HOMER2: variants seen among roughly 807,000 people sequenced by gnomAD.
HOMER2 encodes homer protein homolog 2.
In HOMER2, 27 loss-of-function variants were observed where a neutral mutation model predicts 47.0. That is an observed-to-expected ratio of 0.57 (90% CI 0.42 to 0.79). The LOEUF (loss-of-function observed/expected upper bound fraction) is 0.79. Ranked by LOEUF, HOMER2 falls within the 30% of genes least tolerant of loss-of-function variation. HOMER2 has a pLI of 0.00. For synonymous variants in HOMER2, 161 were observed against 163.8 expected, an observed-to-expected ratio of 0.98 and a Z score of 0.13; for missense variants, 443 against 435.0, an observed-to-expected ratio of 1.02 and a Z score of -0.16.
chr15:82,979,192 A>C lies in HOMER2; in HGVS notation n.82+6595T>G, dbSNP rs542448284. Among the ~76,000 whole-genome samples the C allele has an allele frequency of 2.0e-4, 30 of 152,324 alleles. No homozygotes were observed. In the East Asian group the frequency reaches 5.4e-3, roughly 27 times the overall value. On this transcript the variant is annotated intron_variant and non_coding_transcript_variant, in intron 1 of 1. Transcript: ENST00000500334. ...GTCAATTAAACCTCTTCCCTTTATA[A>C]ATTACCTAGTCTTGGGTATATCTTT...
In HOMER2 at chr15:82,907,965, G is replaced by C. The variant is rs574008675; in HGVS notation, c.6-15124C>G. Among the ~76,000 whole-genome samples the C allele has an allele frequency of 1.4e-4, 22 of 152,266 alleles. No individual in the cohort carries two copies. In the South Asian group the frequency reaches 4.3e-3, roughly 30 times the overall value. ...ACAGGCTATAACAAGGATGAACCTT[G>C]AAAACATTGTGCTCAGTGAAAGAAG... On this transcript the variant is annotated intron_variant, in intron 1 of 8. Coordinates refer to ENST00000450735, the MANE Select transcript of HOMER2 (RefSeq NM_004839.4).
chr15:82,849,934 A>T (rs2051337430), intron 8 of HOMER2, 31 bp from the exon 9 acceptor site: 1 of 1,601,852 alleles, frequency 6.2e-7, no homozygotes, highest in African/African-American at 1.3e-5. Flanking sequence ...AGGGTCTAGA[A>T]AACTGAGTGA....
At chr15:82,912,653 G>A (rs1305852808) in intron 1 of HOMER2, among the ~76,000 whole-genome samples, 1 of 152,152 alleles carries the variant, frequency 6.6e-6, no homozygotes, top group Non-Finnish European at 1.5e-5. Context: ...TTTAGCTTTT[G>A]AGGAACCGTC....
chr15:82,863,329 A>C (rs2051855996), intron 4 of HOMER2, among the ~76,000 whole-genome samples: 1 of 152,182 alleles, frequency 6.6e-6, no homozygotes, highest in Non-Finnish European at 1.5e-5. Flanking sequence ...ATCAACAGTC[A>C]CAACACACTT....
intron 1 of HOMER2, among the ~76,000 whole-genome samples, chr15:82,909,529 G>A (rs1313664987): frequency 1.3e-5 from 2 of 152,080 alleles, no homozygotes; most frequent in Non-Finnish European, 2.9e-5. Context: ...GACAGAGCAG[G>A]TGACCAAGGA....
chr15:82,952,776 G>A, upstream of HOMER2: 1 of 876,626 alleles, frequency 1.1e-6, no homozygotes, highest in Non-Finnish European at 1.4e-6. Context: ...GCCCTCCCCA[G>A]CCGCTACCCC....
rs746027391 is a variant in HOMER2 at position 82,892,766 on chromosome 15, C to T, written c.81G>A (p.Ala27=). ...DPNTKKNWMP[A]SKQAVTVSYF... is the part of the protein sequence containing the mutation. ...AGGAAACGGTGACCGCCTGCTTGCT[C>T]GCAGGCATCCAGTTCTTCTTGGTGT... The change falls in exon 2 of 9, where the codon GCG becomes GCA. Residue 27 remains alanine (A), a synonymous_variant. Coordinates refer to ENST00000450735, the MANE Select transcript of HOMER2 (RefSeq NM_004839.4). 16 of 1,606,130 alleles carry T rather than the reference C, an allele frequency of 1.0e-5. No individual in the cohort carries two copies. In the African/African-American group the frequency reaches 1.6e-4, roughly 16 times the overall value.
At chr15:82,910,561 T>C (rs1285611117) in intron 1 of HOMER2, among the ~76,000 whole-genome samples, 1 of 152,216 alleles carries the variant, frequency 6.6e-6, no homozygotes, top group East Asian at 1.9e-4. Flanking sequence ...TGGCATGGCA[T>C]TCTGGAGATG....
chr15:82,850,754 TGAG>T (rs2151597211), intron 8 of HOMER2, among the ~76,000 whole-genome samples: 1 of 152,316 alleles, frequency 6.6e-6, no homozygotes, highest in South Asian at 2.1e-4. Flanking sequence ...ATCAGAAATC[TGAG>T]GATAGGGAGG....
At chr15:82,965,825 T>G (rs1411792561) in intron 1 of HOMER2, among the ~76,000 whole-genome samples, 17 of 151,632 alleles carry the variant, frequency 1.1e-4, no homozygotes, top group Admixed American at 1.1e-3. Flanking sequence ...CCAGTTGTGG[T>G]AGCTCAGGCC....
At position 82,859,086 on chromosome 15, in the gene HOMER2, G is replaced by A. The variant is rs777989205; in HGVS notation, c.437C>T (p.Pro146Leu). The change falls in exon 5 of 9, where the codon CCA (proline) becomes CTA (leucine). Residue 146 changes from proline (P) to leucine (L), a missense_variant. Pro to Leu is a moderately conservative substitution (Grantham distance 98, BLOSUM62 -3). Transcript: ENST00000450735. ...CTCAGACTTCAGGTGTGTGTTGGCT[G>A]GACCGGCGTGAGAGGCCTTTTCATC... is the stretch of plus-strand genomic sequence containing the variant. The part of the protein sequence containing the change: ...TDDEKASHAG[P>L]ANTHLKSEND... The A allele has an allele frequency of 3.7e-6, 6 of 1,614,020 alleles. No homozygotes were observed. The highest frequency in any genetic ancestry group is 3.3e-4 in the Middle Eastern group (2 of 6,062).
chr15:82,850,853 G>A (rs1041413223), intron 8 of HOMER2, among the ~76,000 whole-genome samples: 11 of 152,028 alleles, frequency 7.2e-5, no homozygotes, highest in South Asian at 4.1e-4. Flanking sequence ...CTCTCAGGCC[G>A]CCCCCCCGCT....
At chr15:82,879,529 T>C (rs1400122200) in intron 2 of HOMER2, among the ~76,000 whole-genome samples, 1 of 152,086 alleles carries the variant, frequency 6.6e-6, no homozygotes, top group East Asian at 1.9e-4. Context: ...AATAAAGAAA[T>C]CATAGTTTGC....
chr15:82,900,067 T>C (rs1193301713), intron 1 of HOMER2, among the ~76,000 whole-genome samples: 1 of 151,902 alleles, frequency 6.6e-6, no homozygotes, highest in African/African-American at 2.4e-5. Flanking sequence ...AAAATCCCAT[T>C]TACAGTAGCA....
intron 1 of HOMER2, among the ~76,000 whole-genome samples, chr15:82,979,857 T>G (rs1184193219): frequency 6.6e-6 from 1 of 152,096 alleles, no homozygotes; most frequent in Admixed American, 6.5e-5. Context: ...GACATCCAGA[T>G]GGAAATTTCT....
intron 5 of HOMER2, among the ~76,000 whole-genome samples, chr15:82,855,639 G>A (rs2051561381): frequency 6.6e-6 from 1 of 152,214 alleles, no homozygotes; most frequent in Non-Finnish European, 1.5e-5. Context: ...CCTAGGGCTT[G>A]GAGACAGGAG....
At chr15:82,848,512 T>G (rs2051287890), downstream of HOMER2, among the ~76,000 whole-genome samples, 1 of 152,194 alleles carries the variant, frequency 6.6e-6, no homozygotes, top group Admixed American at 6.5e-5. Context: ...GGTTTATGGC[T>G]GCAGTCCCTT....
chr15:82,879,791 G>T (rs78849978), intron 2 of HOMER2, among the ~76,000 whole-genome samples: 7 of 152,096 alleles, frequency 4.6e-5, no homozygotes, highest in Admixed American at 4.6e-4. Flanking sequence ...TTTCACAAAA[G>T]ATTTCTCTGT....
intron 6 of HOMER2, among the ~76,000 whole-genome samples, chr15:82,853,872 T>TG (rs1396112867): frequency 2.6e-5 from 4 of 152,176 alleles, no homozygotes; most frequent in Admixed American, 2.6e-4. Flanking sequence ...CATAATCCTT[T>TG]TCTCAACTCC....
Sources: gnomAD v4.1 joint callset for allele counts (sites outside exome capture counted in the v4.1 genomes callset) on GRCh38, gnomAD v4.1.1 for gene constraint, MANE v1.5 for transcripts, NCBI Gene and HGNC (gene_info 2026-07-23, HGNC 2026-07-21) for gene names.